Variants in CHRNG observed in about 807,000 individuals in gnomAD.
CHRNG encodes acetylcholine receptor subunit gamma.
CHRNG carries 72 observed loss-of-function variants against 65.2 expected under a neutral mutation model. The observed-to-expected ratio is 1.10, with a 90% CI of 0.91 to 1.34. The LOEUF is 1.34. CHRNG is among the 40% of genes most tolerant of loss of function. CHRNG has a pLI of 0.00. For missense variants in CHRNG, 637 were observed against 680.1 expected (o/e 0.94, Z 0.70); for synonymous variants, 284 against 290.2 (o/e 0.98, Z 0.22).
At chr2:232,542,575 C>T in intron 6 of CHRNG, 55 bp downstream of exon 6, 2 of 1,249,762 alleles carry the variant, frequency 1.6e-6, no homozygotes, top group Non-Finnish European at 2.3e-6. Flanking sequence ...CCTGCTGGAC[C>T]CAGCTGTGGT....
Position 232,544,855 on chromosome 2 carries a change from T to C in CHRNG, c.1333T>C (p.Cys445Arg), listed in dbSNP as rs751549903. Residue 445 changes from cysteine to arginine, a missense_variant, in exon 11 of 12, where the codon TGC (cysteine) becomes CGC (arginine). Cys to Arg is a radical substitution (Grantham distance 180). Transcript: ENST00000651502. ...AGCCATCCAGGCCTGTGTGGAAGCCTGCAACCTCATTGCCTGTGCCCGGCA... is the reference window on the plus strand; with the variant it reads ...AGCCATCCAGGCCTGTGTGGAAGCCCGCAACCTCATTGCCTGTGCCCGGCA... ...APAIQACVEACNLIACARHQQ... is the reference protein window; with the variant it reads ...APAIQACVEARNLIACARHQQ... The C allele has an allele frequency of 1.2e-6, 2 of 1,614,004 alleles. No homozygotes were observed. The highest frequency in any genetic ancestry group is 1.7e-6 in the Non-Finnish European group (2 of 1,180,016).
chr2:232,543,486 C>CG (rs909199985), intron 8 of CHRNG, 97 bp downstream of exon 8: 1 of 1,182,716 alleles, frequency 8.5e-7, no homozygotes, highest in Admixed American at 2.0e-5. Flanking sequence ...ATCCACCCCC[C>CG]CCATCCTCAA....
chr2:232,545,020 G>A, intron 11 of CHRNG, 118 bp downstream of exon 11: 3 of 1,275,550 alleles, frequency 2.4e-6, no homozygotes, highest in Non-Finnish European at 3.3e-6. Context: ...CATGAGGCCG[G>A]GTGCAGTGGG....
Position 232,547,952 on chromosome 2 carries a change from G to C in CHRNG, c.*2236G>C, listed in dbSNP as rs1237664893. On this transcript the variant is annotated 3_prime_UTR_variant, in exon 12 of 12. Coordinates refer to ENST00000651502, the MANE Select transcript of CHRNG (RefSeq NM_005199.5). ...CAGGTTCAGTTCCAGACCAACACAA[G>C]AAAGCAAGTCACATGAATGTTTTTG... 4.4e-6 allele frequency: 2 copies of C among 450,410 alleles called. No homozygotes were observed. Among genetic ancestry groups the C allele is most frequent in the African/African-American group, 4.1e-5 (2 of 49,070 alleles). 27.9% of individuals were successfully genotyped at this position (450,410 alleles called of 1,614,324 possible).
chr2:232,544,518 G>A lies in CHRNG; in HGVS notation c.1187G>A (p.Ser396Asn). 1 of 1,613,904 alleles carries A rather than the reference G, an allele frequency of 6.2e-7. No homozygotes were observed. Among genetic ancestry groups the A allele is most frequent in the Non-Finnish European group, 8.5e-7 (1 of 1,180,022 alleles). Residue 396 changes from serine to asparagine, a missense_variant, in exon 10 of 12, where the codon AGT (serine) becomes AAT (asparagine). Transcript: ENST00000651502. Reference protein sequence around the residue: ...GEEVALCLPRSELLFQQWQRQ... With the variant: ...GEEVALCLPRNELLFQQWQRQ... The stretch of plus-strand genomic sequence containing the variant: ...GAGGTGGCCCTCTGCCTGCCTCGCA[G>A]TGAACTCCTCTTCCAGCAGTGGCAG...
chr2:232,546,304 TC>T lies in CHRNG; in HGVS notation c.*590del, dbSNP rs1553578775. On this transcript the variant is annotated 3_prime_UTR_variant, in exon 12 of 12. Coordinates refer to ENST00000651502, the MANE Select transcript of CHRNG (RefSeq NM_005199.5). ...CAAGACGATTTCCTGAGTTTTGTAA[TC>T]CTCTTTTTTTTTTTTTTTTTTTTAG... The T allele has an allele frequency of 8.2e-6, 1 of 122,420 alleles. No homozygotes were observed. Among genetic ancestry groups the T allele is most frequent in the East Asian group, 2.8e-4 (1 of 3,592 alleles). 7.6% of individuals were successfully genotyped at this position (122,420 alleles called of 1,614,324 possible).
At chr2:232,543,464 C>T in intron 8 of CHRNG, 75 bp downstream of exon 8, 1 of 1,267,728 alleles carries the variant, frequency 7.9e-7, no homozygotes, top group Non-Finnish European at 1.1e-6. Context: ...CTGCATTGCC[C>T]TCTTGCCCTC....
rs139108448 is a variant in CHRNG at position 232,544,865 on chromosome 2, T to C, written c.1343T>C (p.Ile448Thr). 2.0e-5 allele frequency: 32 copies of C among 1,613,886 alleles called. No homozygotes were observed. The African/African-American group carries it at 2.4e-4, about 12-fold the overall frequency. ...GCCTGTGTGGAAGCCTGCAACCTCA[T>C]TGCCTGTGCCCGGCACCAGCAGAGT... ...IQACVEACNL[I>T]ACARHQQSHF... The change falls in exon 11 of 12, where the codon ATT becomes ACT. Residue 448 changes from isoleucine to threonine, a missense_variant. Physicochemically the swap from Ile to Thr is moderately conservative, Grantham distance 89 (BLOSUM62 -1). Transcript: ENST00000651502.
chr2:232,545,312 C>T (rs1692104182), intron 11 of CHRNG, among the ~76,000 whole-genome samples: 1 of 148,512 alleles, frequency 6.7e-6, no homozygotes, highest in Non-Finnish European at 1.5e-5. Flanking sequence ...ACGTGAGACT[C>T]CGTCTCAAAA....
chr2:232,543,560 G>C, intron 8 of CHRNG, 25 bp from the exon 9 acceptor site: 2 of 1,488,984 alleles, frequency 1.3e-6, no homozygotes, highest in South Asian at 2.3e-5. Context: ...TGGGCTGCCA[G>C]CTCCTGCCCA....
rs749654911 is a variant in CHRNG, at chr2:232,543,569, C to T, written c.921-16C>T. 1 of 1,540,272 alleles carries T rather than the reference C, an allele frequency of 6.5e-7. No individual in the cohort carries two copies. The highest frequency in any genetic ancestry group is 1.7e-4 in the Middle Eastern group (1 of 5,938). ...ATGGTATGGGCTGCCAGCTCCTGCC[C>T]ACCCCACCCTGACAGGTACCTGACC... On this transcript the variant is annotated splice_polypyrimidine_tract_variant and intron_variant, in intron 8 of 11. Transcript: ENST00000651502.
At position 232,541,463 on chromosome 2, in the gene CHRNG, G is replaced by T. The variant is rs144323121; in HGVS notation, c.440G>T (p.Arg147Leu). The T allele has an allele frequency of 3.1e-6, 5 of 1,614,112 alleles. No individual in the cohort carries two copies. Among genetic ancestry groups the T allele is most frequent in the South Asian group, 1.1e-5 (1 of 91,086 alleles). The change falls in exon 5 of 12, where the codon CGT (arginine) becomes CTT (leucine). Residue 147 changes from arginine to leucine, a missense_variant. Coordinates refer to ENST00000651502, the MANE Select transcript of CHRNG (RefSeq NM_005199.5). The surrounding 1 kb of genome is among the most constrained non-coding windows in gnomAD (Gnocchi z 4.0). ...CIYWLPPAIF[R>L]SACSISVTYF... The stretch of plus-strand genomic sequence containing the variant: ...TACTGGCTGCCGCCTGCCATCTTCC[G>T]TTCCGCCTGCTCTATCTCAGTCACC...
rs1184886116 is a variant in CHRNG, at chr2:232,542,531, C to A, written c.604+11C>A. On this transcript the variant is annotated intron_variant, in intron 6 of 11. Coordinates refer to ENST00000651502, the MANE Select transcript of CHRNG (RefSeq NM_005199.5). Reference sequence around the variant, plus strand: ...CTGAGGCCTTCACAGGTAACCCCCACCCAAGGGCTCCCCAGGCAGCCTCAT... The same window carrying A: ...CTGAGGCCTTCACAGGTAACCCCCAACCAAGGGCTCCCCAGGCAGCCTCAT... 3 of 1,582,328 alleles carry A rather than the reference C, an allele frequency of 1.9e-6. No individual in the cohort carries two copies. In the Admixed American group the frequency reaches 5.0e-5, roughly 26 times the overall value.
rs1692001326 is a variant in CHRNG, at chr2:232,540,865, G to C, written c.350+154G>C. Among the ~76,000 whole-genome samples the C allele has an allele frequency of 6.6e-6, 1 of 152,072 alleles. No homozygotes were observed. The highest frequency in any genetic ancestry group is 2.4e-5 in the African/African-American group (1 of 41,406). On this transcript the variant is annotated intron_variant, in intron 4 of 11. Coordinates refer to ENST00000651502, the MANE Select transcript of CHRNG (RefSeq NM_005199.5). This position sits in a 1 kb window ranked among gnomAD's most constrained non-coding sequence, Gnocchi z 4.2. ...AAGAACTGGATGGAGCAGGTGCCGA[G>C]GGCAGGGCCCTGGGTATGCCCTCTG...
In CHRNG at chr2:232,543,217, T is replaced by C. The variant is rs1244260106; in HGVS notation, c.806-58T>C. On this transcript the variant is annotated intron_variant, in intron 7 of 11. Transcript: ENST00000651502. ...AGCGGGCTACTTCTGGGGTAAGGGGTTCCTCTGTGGGTGGGGGAGGTAGGA... is the reference window on the plus strand; with the variant it reads ...AGCGGGCTACTTCTGGGGTAAGGGGCTCCTCTGTGGGTGGGGGAGGTAGGA... The C allele has an allele frequency of 1.9e-6, 3 of 1,539,528 alleles. No homozygotes were observed. In the East Asian group the frequency reaches 6.7e-5, roughly 35 times the overall value.
Position 232,540,761 on chromosome 2 carries a change from T to C in CHRNG, c.350+50T>C, listed in dbSNP as rs745823125. 6.6e-7 allele frequency: 1 copy of C among 1,514,952 alleles called. No homozygotes were observed. Among genetic ancestry groups the C allele is most frequent in the Middle Eastern group, 1.7e-4 (1 of 5,802 alleles). 93.8% of individuals were successfully genotyped at this position (1,514,952 alleles called of 1,614,324 possible). ...TGTGGGGGACAAAGGACACAGGGTC[T>C]GGGCCCAGCAGAACAAGGCACTCTG... On this transcript the variant is annotated intron_variant, in intron 4 of 11. Coordinates refer to ENST00000651502, the MANE Select transcript of CHRNG (RefSeq NM_005199.5). The surrounding 1 kb of genome is among the most constrained non-coding windows in gnomAD (Gnocchi z 4.2).
chr2:232,543,642 G>C lies in CHRNG; in HGVS notation c.978G>C (p.Val326=), dbSNP rs749744672. 6.2e-7 allele frequency: 1 copy of C among 1,613,960 alleles called. No individual in the cohort carries two copies. Among genetic ancestry groups the C allele is most frequent in the South Asian group, 1.1e-5 (1 of 91,078 alleles). The change falls in exon 9 of 12, where the codon GTG becomes GTC. Residue 326 remains valine (V), a synonymous_variant. Coordinates refer to ENST00000651502, the MANE Select transcript of CHRNG (RefSeq NM_005199.5). ...TILIVVNAVV[V]LNVSLRSPHT... ...TCATTGTCGTGAATGCTGTGGTTGTGCTCAATGTCTCCTTGCGGTCTCCAC... is the reference window on the plus strand; with the variant it reads ...TCATTGTCGTGAATGCTGTGGTTGTCCTCAATGTCTCCTTGCGGTCTCCAC...
chr2:232,543,015 C>T lies in CHRNG; in HGVS notation c.738C>T (p.Ile246=). ...LIQRKPLFYV[I]NIIAPCVLIS... is the part of the protein sequence containing the mutation. ...AGCGCAAGCCCCTCTTCTACGTCAT[C>T]AACATCATCGCCCCCTGTGTGCTCA... Residue 246 remains isoleucine (I), a synonymous_variant, in exon 7 of 12, where the codon ATC becomes ATT. Transcript: ENST00000651502. 1 of 1,614,238 alleles carries T rather than the reference C, an allele frequency of 6.2e-7. No individual in the cohort carries two copies. The highest frequency in any genetic ancestry group is 8.5e-7 in the Non-Finnish European group (1 of 1,180,026).
chr2:232,542,992 C>T lies in CHRNG; in HGVS notation c.715C>T (p.Arg239Cys), dbSNP rs121912670. Reference sequence around the variant, plus strand: ...GGTGGTGTTCTACCTGCTCATCCAGCGCAAGCCCCTCTTCTACGTCATCAA... The same window carrying T: ...GGTGGTGTTCTACCTGCTCATCCAGTGCAAGCCCCTCTTCTACGTCATCAA... ...QKVVFYLLIQRKPLFYVINII... is the reference protein window; with the variant it reads ...QKVVFYLLIQCKPLFYVINII... The change falls in exon 7 of 12, where the codon CGC becomes TGC. Residue 239 changes from arginine (R) to cysteine (C), a missense_variant. Transcript: ENST00000651502. The T allele has an allele frequency of 3.0e-5, 49 of 1,614,216 alleles. No individual in the cohort carries two copies. The highest frequency in any genetic ancestry group is 4.5e-5 in the East Asian group (2 of 44,882).
Sources: gnomAD v4.1 joint callset for allele counts (sites outside exome capture counted in the v4.1 genomes callset) on GRCh38, gnomAD v4.1.1 for gene constraint, Gnocchi (gnomAD v3.1) non-coding constraint, MANE v1.5 for transcripts, NCBI Gene and HGNC (gene_info 2026-07-23, HGNC 2026-07-21) for gene names.